Variants in PPP2R3B observed in about 807,000 individuals in gnomAD.
PPP2R3B encodes the protein serine/threonine-protein phosphatase 2A regulatory subunit B'' subunit beta.
Under a neutral mutation model 72.9 loss-of-function variants are expected in PPP2R3B, and 68 were observed. The ratio of observed to expected loss-of-function variants is 0.93; its 90% confidence interval spans 0.77 to 1.14. The LOEUF is 1.14. Ranked by LOEUF, PPP2R3B falls within the 50% of genes most tolerant of loss-of-function variation. PPP2R3B has a pLI of 0.00. For synonymous variants in PPP2R3B, 466 were observed against 375.8 expected, an observed-to-expected ratio of 1.24 and a Z score of -2.78; for missense variants, 1,018 against 842.0, an observed-to-expected ratio of 1.21 and a Z score of -2.59.
chrX:364,400 T>C (rs2071640195), intron 1 of PPP2R3B, among the ~76,000 whole-genome samples: 1 of 150,256 alleles, frequency 6.7e-6, no homozygotes, highest in Admixed American at 6.6e-5. Context: ...CCGGCCGGGC[T>C]CGTGCCTGCA....
chrX:353,687 G>C (rs1218293027), intron 2 of PPP2R3B, among the ~76,000 whole-genome samples: 2 of 152,256 alleles, frequency 1.3e-5, no homozygotes, highest in Admixed American at 6.5e-5. Flanking sequence ...GCCTGGCAAT[G>C]TGGACCCAAC....
Position 386,460 on chromosome X carries a change from CG to C in PPP2R3B, c.231del (p.Pro79ArgfsTer30). 5.4e-6 allele frequency: 7 copies of C among 1,286,618 alleles called. No individual in the cohort carries two copies. Among genetic ancestry groups the C allele is most frequent in the Non-Finnish European group, 6.9e-6 (7 of 1,014,538 alleles). The allele number at this position is 1,286,618 out of a possible 1,614,324, so 79.7% of individuals were successfully genotyped here. The stretch of plus-strand genomic sequence containing the variant: ...CCCAGGGGCAGCGCAGGGCCCGGCC[CG>C]GGGGTTCCCGGGGGTTCGAGCCCGC... The part of the protein sequence containing the change: ...RPSGLEPPGT[P>X]GPGPALPLGA... On this transcript the variant is annotated frameshift_variant, in exon 1 of 13. Transcript: ENST00000390665. LOFTEE classifies it high-confidence loss of function.
intron 8 of PPP2R3B, 98 bp from the exon 9 acceptor site, chrX:341,494 C>CCCA (rs2071074682): frequency 1.5e-6 from 2 of 1,298,814 alleles, no homozygotes; most frequent in Non-Finnish European, 2.2e-6. Context: ...GGGGAGCCCC[C>CCCA]CGGGCCCGGC....
In PPP2R3B at chrX:341,108, CGCGTCCCCCTGTGCCGT is replaced by C. The variant is rs2071059349; in HGVS notation, c.1175+182_1176-169del. 11 of 605,730 alleles carry C rather than the reference CGCGTCCCCCTGTGCCGT, an allele frequency of 1.8e-5. 1 individual carries two copies. In the South Asian group the frequency reaches 2.2e-4, roughly 12 times the overall value. 37.5% of individuals were successfully genotyped at this position (605,730 alleles called of 1,614,324 possible). On this transcript the variant is annotated intron_variant, in intron 9 of 12. Coordinates refer to ENST00000390665, the MANE Select transcript of PPP2R3B (RefSeq NM_013239.5). ...CCCTGCCGCCCCCACCGGGCGCGCA[CGCGTCCCCCTGTGCCGT>C]GCAGCCCCCACCAGGCGTGCACATG... is the stretch of plus-strand genomic sequence containing the variant.
At chrX:364,583 TGGA>T (rs1251783467) in intron 1 of PPP2R3B, among the ~76,000 whole-genome samples, 3 of 142,764 alleles carry the variant, frequency 2.1e-5, no homozygotes, top group African/African-American at 7.8e-5. Flanking sequence ...CCGGGTGTGG[TGGA>T]GGGTGCCTGT....
Position 347,239 on chromosome X carries a change from A to G in PPP2R3B, c.712T>C (p.Leu238=), listed in dbSNP as rs367894407. 1.6e-4 allele frequency: 257 copies of G among 1,613,374 alleles called. 1 individual carries two copies. The highest frequency in any genetic ancestry group is 2.5e-4 in the Admixed American group (15 of 59,980). The change falls in exon 4 of 13, where the codon TTG becomes CTG. Residue 238 remains leucine, a synonymous_variant. Coordinates refer to ENST00000390665, the MANE Select transcript of PPP2R3B (RefSeq NM_013239.5). ...GTGTAGACGCAGGCTCTCACCTGCA[A>G]GAAGGGGACAAAGTCCTCCTGCACC... ...YLVQEDFVPF[L]QDVVNTHPGL... is the part of the protein sequence containing the mutation.
At chrX:345,100 C>T in intron 7 of PPP2R3B, 1 of 471,186 alleles carries the variant, frequency 2.1e-6, no homozygotes. Context: ...ACCGCTAAGC[C>T]TGGGGCTCCA....
At position 351,093 on chromosome X, in the gene PPP2R3B, CT is replaced by C. The variant is rs1327526873; in HGVS notation, c.511-3401del. On this transcript the variant is annotated intron_variant, in intron 2 of 12. Coordinates refer to ENST00000390665, the MANE Select transcript of PPP2R3B (RefSeq NM_013239.5). Reference sequence around the variant, plus strand: ...TGCTATGGGAAAGGACGCGCTCCGGCTGGCGCACCTGTGGATGACTTGAAGG... The same window carrying C: ...TGCTATGGGAAAGGACGCGCTCCGGCGGCGCACCTGTGGATGACTTGAAGG... 3.9e-5 allele frequency among the ~76,000 whole-genome samples: 6 copies of C among 152,260 alleles called. No homozygotes were observed. The East Asian group carries it at 1.2e-3, about 29-fold the overall frequency.
At chrX:357,393 A>T (rs977090218) in intron 2 of PPP2R3B, among the ~76,000 whole-genome samples, 1 of 152,246 alleles carries the variant, frequency 6.6e-6, no homozygotes, top group African/African-American at 2.4e-5. Context: ...TAAACTAAAA[A>T]AAATGACAGA....
chrX:356,420 T>C (rs1329332936), intron 2 of PPP2R3B, among the ~76,000 whole-genome samples: 1 of 152,098 alleles, frequency 6.6e-6, no homozygotes, highest in East Asian at 1.9e-4. Context: ...TTCATCATGT[T>C]GGCCAGGCTG....
intron 2 of PPP2R3B, among the ~76,000 whole-genome samples, chrX:351,053 C>T (rs1166083630): frequency 6.6e-6 from 1 of 152,110 alleles, no homozygotes; most frequent in Non-Finnish European, 1.5e-5. Context: ...CGCGCCACAG[C>T]GGGGATTGCA....
At chrX:346,111 G>T in intron 6 of PPP2R3B, 63 bp downstream of exon 6, 2 of 901,424 alleles carry the variant, frequency 2.2e-6, no homozygotes, top group Non-Finnish European at 3.2e-6. Flanking sequence ...GGGAAGGGAA[G>T]GGAGTGGAGG....
chrX:381,643 G>A (rs1352301509), intron 1 of PPP2R3B, among the ~76,000 whole-genome samples: 3 of 135,606 alleles, frequency 2.2e-5, no homozygotes, highest in Non-Finnish European at 4.5e-5. Context: ...CTGTCACCCA[G>A]GCTGGAGTGC....
intron 1 of PPP2R3B, among the ~76,000 whole-genome samples, chrX:385,221 C>T (rs1358504291): frequency 6.6e-6 from 1 of 151,836 alleles, no homozygotes; most frequent in East Asian, 1.9e-4. Context: ...ATATCCATAG[C>T]TCTTCCTATA....
intron 1 of PPP2R3B, among the ~76,000 whole-genome samples, chrX:361,852 G>A (rs57490506): frequency 0.023 from 3,447 of 152,280 alleles, 144 homozygotes; most frequent in African/African-American, 0.079. Flanking sequence ...ATCACACCGA[G>A]CAGGGCCCTG....
At chrX:376,515 GTA>G (rs2071998961) in intron 1 of PPP2R3B, among the ~76,000 whole-genome samples, 1 of 150,216 alleles carries the variant, frequency 6.7e-6, no homozygotes. Flanking sequence ...ATACACTACT[GTA>G]TGCAGGGACG....
intron 1 of PPP2R3B, among the ~76,000 whole-genome samples, 171 bp downstream of exon 1, chrX:386,197 G>C (rs1300407312): frequency 4.1e-5 from 6 of 146,184 alleles, no homozygotes; most frequent in Non-Finnish European, 6.0e-5. Context: ...CAGTACGTGG[G>C]ACTTTCTTGT....
At chrX:349,936 C>A (rs2071293605) in intron 2 of PPP2R3B, among the ~76,000 whole-genome samples, 1 of 152,130 alleles carries the variant, frequency 6.6e-6, no homozygotes, top group South Asian at 2.1e-4. Flanking sequence ...TCCACGCGAT[C>A]CCCACCCACA....
chrX:380,461 G>A (rs1240000275), intron 1 of PPP2R3B, among the ~76,000 whole-genome samples: 1 of 152,116 alleles, frequency 6.6e-6, no homozygotes, highest in Non-Finnish European at 1.5e-5. Context: ...ATTCCTCGGC[G>A]TCACCAGGCC....
Sources: gnomAD v4.1 joint callset for allele counts (sites outside exome capture counted in the v4.1 genomes callset) on GRCh38, gnomAD v4.1.1 for gene constraint, MANE v1.5 for transcripts, NCBI Gene and HGNC (gene_info 2026-07-23, HGNC 2026-07-21) for gene names.